Variants in TTC34 observed in about 807,000 individuals in gnomAD.
The protein encoded by TTC34 is tetratricopeptide repeat domain 34, also known as tetratricopeptide repeat protein 34.
A neutral mutation model predicts 40.7 loss-of-function variants in TTC34; 44 were observed. The observed-to-expected ratio is 1.08, with a 90% CI of 0.85 to 1.39. TTC34 has a LOEUF of 1.39. Among genes scored for constraint, TTC34 ranks in the 40% most tolerant of loss-of-function variants. The pLI is 0.00. For missense variants in TTC34, 884 were observed against 838.0 expected (o/e 1.05, Z -0.68); for synonymous variants, 422 against 398.6 (o/e 1.06, Z -0.70).
intron 6 of TTC34, among the ~76,000 whole-genome samples, chr1:2,752,092 T>A (rs1195312686): frequency 2.8e-5 from 1 of 35,734 alleles, no homozygotes; most frequent in African/African-American, 1.4e-4. Context: ...ACCCACACCT[T>A]CAGGCGAGCA....
Position 2,645,652 on chromosome 1 carries a change from T to C in TTC34, c.2227-89A>G. ...AGAGTAGGAGGACTGGCTCTGTCTTTCTCATTCCCTGATCTTCTCCCTGGG... is the reference window on the plus strand; with the variant it reads ...AGAGTAGGAGGACTGGCTCTGTCTTCCTCATTCCCTGATCTTCTCCCTGGG... On this transcript the variant is annotated intron_variant, in intron 6 of 8. Coordinates refer to ENST00000401095, the Ensembl canonical transcript of TTC34. This position sits in a 1 kb window ranked among gnomAD's most constrained non-coding sequence, Gnocchi z 4.7. 1 of 1,314,544 alleles carries C rather than the reference T, an allele frequency of 7.6e-7. No individual in the cohort carries two copies. The highest frequency in any genetic ancestry group is 9.9e-7 in the Non-Finnish European group (1 of 1,007,028). The allele number at this position is 1,314,544 out of a possible 1,614,324, so 81.4% of individuals were successfully genotyped here.
intron 6 of TTC34, among the ~76,000 whole-genome samples, chr1:2,653,657 C>A (rs59191334): frequency 1.8e-5 from 1 of 54,752 alleles, no homozygotes; most frequent in African/African-American, 8.4e-5. Context: ...CACCCCCAGG[C>A]GAGCATCTGA....
chr1:2,682,078 C>T (rs1640105780), intron 6 of TTC34, among the ~76,000 whole-genome samples: 1 of 133,010 alleles, frequency 7.5e-6, no homozygotes, highest in Non-Finnish European at 1.6e-5. Flanking sequence ...CACAGGTGAG[C>T]ATCTGACAGC....
chr1:2,775,179 C>G (rs377444047), intron 6 of TTC34: 11 of 144,708 alleles, frequency 7.6e-5, no homozygotes, highest in African/African-American at 2.9e-4. Flanking sequence ...CATAAAACAG[C>G]ACCCTGCAAC....
chr1:2,688,586 C>T (rs1375201547), intron 6 of TTC34, among the ~76,000 whole-genome samples: 12 of 117,726 alleles, frequency 1.0e-4, no homozygotes, highest in South Asian at 2.8e-4. Context: ...GGCGCGCATC[C>T]GACAGCCTGG....
In TTC34 at chr1:2,692,180, C is replaced by T. The variant is rs564409366; in HGVS notation, c.2227-46617G>A. On this transcript the variant is annotated intron_variant, in intron 6 of 8. Transcript: ENST00000401095. The stretch of plus-strand genomic sequence containing the variant: ...GCATCTGACGGCCTGGAACAGCACA[C>T]ACACCGCCAGGTGAGCATTGGACAC... Among the ~76,000 whole-genome samples, 4 of 62,884 alleles carry T rather than the reference C, an allele frequency of 6.4e-5. 1 individual carries two copies. Among genetic ancestry groups the T allele is most frequent in the South Asian group, 5.2e-4 (1 of 1,928 alleles). The allele number at this position is 62,884 out of a possible 152,430, so 41.3% of individuals were successfully genotyped here. A position where few individuals can be genotyped will look rare whatever the true frequency, so the allele number is the denominator to read the frequency against.
At chr1:2,695,064 G>A (rs201964828) in intron 6 of TTC34, among the ~76,000 whole-genome samples, 2 of 43,630 alleles carry the variant, frequency 4.6e-5, no homozygotes, top group African/African-American at 8.7e-5. Flanking sequence ...CACTGAAACA[G>A]CACACACACC....
intron 6 of TTC34, among the ~76,000 whole-genome samples, chr1:2,748,591 G>A (rs1641221574): frequency 1.3e-4 from 19 of 143,142 alleles, no homozygotes; most frequent in South Asian, 2.3e-4. Context: ...GCCTGGAGCA[G>A]CACCCACACC....
chr1:2,749,794 A>G (rs1641257892), intron 6 of TTC34, among the ~76,000 whole-genome samples: 1 of 62,286 alleles, frequency 1.6e-5, no homozygotes, highest in South Asian at 6.1e-4. Context: ...AGCATGTATC[A>G]GCACCCACAC....
exon 9 of TTC34, chr1:2,640,575 T>G (rs1638880381): frequency 6.6e-6 from 1 of 152,100 alleles, no homozygotes; most frequent in Non-Finnish European, 1.5e-5. Context: ...AGGGCCCCCA[T>G]GAAAGCACCC....
chr1:2,656,110 T>G (rs1246045072), intron 6 of TTC34, among the ~76,000 whole-genome samples: 6 of 149,166 alleles, frequency 4.0e-5, no homozygotes, highest in African/African-American at 1.3e-4. Context: ...GGTGAGCATC[T>G]GAGAGCCTGG....
At chr1:2,686,309 C>G (rs368485859) in intron 6 of TTC34, among the ~76,000 whole-genome samples, 8 of 146,624 alleles carry the variant, frequency 5.5e-5, no homozygotes, top group Admixed American at 1.4e-4. Flanking sequence ...ACGCACGGAG[C>G]AGCACCCACA....
intron 6 of TTC34, among the ~76,000 whole-genome samples, chr1:2,753,229 T>C (rs1218798053): frequency 2.6e-5 from 3 of 116,502 alleles, no homozygotes; most frequent in Admixed American, 8.9e-5. Flanking sequence ...CAGGTGAGCA[T>C]CTGACAGCCT....
intron 6 of TTC34, among the ~76,000 whole-genome samples, chr1:2,691,743 T>C (rs1255779021): frequency 5.7e-4 from 31 of 54,796 alleles, no homozygotes; most frequent in East Asian, 1.2e-3. Context: ...AGCACCCACA[T>C]TCCCAGGCAA....
chr1:2,788,501 C>CG (rs1553171059), intron 3 of TTC34, among the ~76,000 whole-genome samples: 3 of 152,242 alleles, frequency 2.0e-5, no homozygotes, highest in Admixed American at 6.5e-5. Flanking sequence ...CCCCACCCCC[C>CG]GGACTCAGTG....
At chr1:2,789,254 G>A (rs1473147622) in intron 3 of TTC34, among the ~76,000 whole-genome samples, 2 of 152,178 alleles carry the variant, frequency 1.3e-5, no homozygotes, top group African/African-American at 4.8e-5. Context: ...GCACAGACTC[G>A]GTTTGGTGAG....
In TTC34 at chr1:2,751,446, C is replaced by A. The variant is rs1431112727; in HGVS notation, c.2226+32163G>T. On this transcript the variant is annotated intron_variant, in intron 6 of 8. Transcript: ENST00000401095. Reference sequence around the variant, plus strand: ...CTGACAGCCTGGAACAGAGCCCAGACCCCCAGGTGAGCATCTGACAGACTG... The same window carrying A: ...CTGACAGCCTGGAACAGAGCCCAGAACCCCAGGTGAGCATCTGACAGACTG... 2.3e-3 allele frequency among the ~76,000 whole-genome samples: 90 copies of A among 39,284 alleles called. 20 individuals are homozygous for A. In the East Asian group the frequency reaches 0.09, roughly 39 times the overall value. The allele number at this position is 39,284 out of a possible 152,430, so 25.8% of individuals were successfully genotyped here.
At position 2,693,714 on chromosome 1, in the gene TTC34, C is replaced by A. The variant is rs376486530; in HGVS notation, c.2227-48151G>T. Among the ~76,000 whole-genome samples, 5 of 66,548 alleles carry A rather than the reference C, an allele frequency of 7.5e-5. 2 individuals are homozygous for A. The highest frequency in any genetic ancestry group is 1.5e-4 in the African/African-American group (3 of 20,038). The allele number at this position is 66,548 out of a possible 152,430, so 43.7% of individuals were successfully genotyped here. On this transcript the variant is annotated intron_variant, in intron 6 of 8. Transcript: ENST00000401095. ...GTGGAGGAGCACCCACACCCCCAGG[C>A]AAGCATCTGAACGCAAGGAGCAGCA...
intron 6 of TTC34, among the ~76,000 whole-genome samples, chr1:2,777,693 G>GA (rs906817588): frequency 6.6e-6 from 1 of 151,820 alleles, no homozygotes; most frequent in African/African-American, 2.4e-5. Flanking sequence ...GGGCATGGGG[G>GA]GGGGGGCGCA....
Sources: gnomAD v4.1 joint callset for allele counts (sites outside exome capture counted in the v4.1 genomes callset) on GRCh38, gnomAD v4.1.1 for gene constraint, Gnocchi (gnomAD v3.1) non-coding constraint, MANE v1.5 for transcripts, NCBI Gene and HGNC (gene_info 2026-07-23, HGNC 2026-07-21) for gene names.